WWC1: variants seen among roughly 807,000 people sequenced by gnomAD.
WWC1 encodes WW and C2 domain containing 1.
WWC1 carries 55 observed loss-of-function variants against 138.4 expected under a neutral mutation model. The observed-to-expected ratio is 0.40, with a 90% CI of 0.32 to 0.50. The LOEUF (loss-of-function observed/expected upper bound fraction) is 0.50. WWC1 is among the 20% of genes least tolerant of loss of function. The pLI, the probability that WWC1 is intolerant of heterozygous loss-of-function variation, is 0.72. For synonymous variants in WWC1, 524 were observed against 564.9 expected, an observed-to-expected ratio of 0.93 and a Z score of 1.03; for missense variants, 1,226 against 1,420.4, an observed-to-expected ratio of 0.86 and a Z score of 2.20.
chr5:168,401,625 G>A (rs1258497753), intron 5 of WWC1, among the ~76,000 whole-genome samples: 3 of 152,188 alleles, frequency 2.0e-5, no homozygotes, highest in African/African-American at 7.2e-5. Flanking sequence ...CTGTAAGAAA[G>A]TATGGCTTTG....
intron 1 of WWC1, among the ~76,000 whole-genome samples, chr5:168,363,059 A>T (rs1015315886): frequency 2.0e-5 from 3 of 152,218 alleles, no homozygotes; most frequent in Non-Finnish European, 2.9e-5. Flanking sequence ...TGGAAAAGCC[A>T]GAATTTTGAG....
At chr5:168,347,035 G>A (rs1774535944) in intron 1 of WWC1, among the ~76,000 whole-genome samples, 2 of 152,270 alleles carry the variant, frequency 1.3e-5, no homozygotes, top group Admixed American at 1.3e-4. Flanking sequence ...TTCCCTGGAT[G>A]GTTCCTGGAT....
At chr5:168,346,080 G>A (rs1204701360) in intron 1 of WWC1, among the ~76,000 whole-genome samples, 1 of 151,998 alleles carries the variant, frequency 6.6e-6, no homozygotes. Context: ...TGGCCCAGGA[G>A]GGACCCCCAA....
chr5:168,304,226 G>A (rs1180429994), intron 1 of WWC1, among the ~76,000 whole-genome samples: 2 of 152,062 alleles, frequency 1.3e-5, no homozygotes, highest in Non-Finnish European at 2.9e-5. Flanking sequence ...TTATTTTGAG[G>A]ACCAGATTTT....
intron 3 of WWC1, among the ~76,000 whole-genome samples, chr5:168,393,262 A>G (rs1327004406): frequency 1.3e-5 from 2 of 152,210 alleles, no homozygotes; most frequent in Non-Finnish European, 2.9e-5. Context: ...TTAGACTGAA[A>G]GGGTTCACTG....
intron 1 of WWC1, among the ~76,000 whole-genome samples, chr5:168,338,425 G>GT (rs1157411101): frequency 7.1e-6 from 1 of 140,662 alleles, no homozygotes; most frequent in South Asian, 2.1e-4. Flanking sequence ...TTTTTTTTTG[G>GT]GGGGGGATTG....
intron 1 of WWC1, among the ~76,000 whole-genome samples, chr5:168,295,304 G>A (rs986405673): frequency 2.6e-5 from 4 of 151,856 alleles, no homozygotes; most frequent in African/African-American, 9.7e-5. Flanking sequence ...TCCATGAGAG[G>A]AGAAGGGGGA....
chr5:168,403,008 TTCTTTC>T (rs1779435692), intron 5 of WWC1, among the ~76,000 whole-genome samples: 1 of 38,128 alleles, frequency 2.6e-5, no homozygotes, highest in Non-Finnish European at 5.9e-5. Flanking sequence ...TTGTTTCTTT[TTCTTTC>T]TTTCTTTCTT....
At position 168,292,105 on chromosome 5, in the gene WWC1, C is replaced by G; in HGVS notation, c.-48C>G. The G allele has an allele frequency of 1.3e-6, 2 of 1,486,538 alleles. No homozygotes were observed. The highest frequency in any genetic ancestry group is 2.6e-5 in the South Asian group (2 of 75,978). The allele number at this position is 1,486,538 out of a possible 1,614,324, so 92.1% of individuals were successfully genotyped here. A position where few individuals can be genotyped will look rare whatever the true frequency, so the allele number is the denominator to read the frequency against. On this transcript the variant is annotated 5_prime_UTR_variant, in exon 1 of 23. Coordinates refer to ENST00000265293, the MANE Select transcript of WWC1 (RefSeq NM_015238.3). This position sits in a 1 kb window ranked among gnomAD's most constrained non-coding sequence, Gnocchi z 4.4. ...CGGCCGGCTGGAGCCGCTGAGCCCC[C>G]GCTGCGGCCGGGAGCTGCATGGGGG...
chr5:168,388,596 G>A (rs11750037), intron 3 of WWC1, among the ~76,000 whole-genome samples: 4 of 152,154 alleles, frequency 2.6e-5, no homozygotes, highest in Non-Finnish European at 4.4e-5. Context: ...TTGGGAGGCC[G>A]AGGTAGGTGG....
chr5:168,434,698 C>T (rs1782221997), intron 15 of WWC1, among the ~76,000 whole-genome samples: 2 of 152,304 alleles, frequency 1.3e-5, no homozygotes, highest in Middle Eastern at 3.4e-3. Flanking sequence ...TCTCATGTCC[C>T]CAGACCCAGA....
At chr5:168,411,881 C>G (rs1212466722) in intron 8 of WWC1, 1 of 709,764 alleles carries the variant, frequency 1.4e-6, no homozygotes, top group Non-Finnish European at 1.7e-6. Context: ...GTATGGGAAC[C>G]AGGTGACTTG....
intron 3 of WWC1, among the ~76,000 whole-genome samples, chr5:168,394,429 A>G (rs1291268704): frequency 1.3e-5 from 2 of 152,258 alleles, no homozygotes; most frequent in African/African-American, 4.8e-5. Flanking sequence ...TGTTGGATAT[A>G]AAGTTCTTGT....
At chr5:168,450,974 TACAAC>T (rs1314149785) in intron 17 of WWC1, among the ~76,000 whole-genome samples, 1 of 152,188 alleles carries the variant, frequency 6.6e-6, no homozygotes, top group Non-Finnish European at 1.5e-5. Context: ...TAAGATTTCT[TACAAC>T]TCAATAATAA....
At chr5:168,392,964 AT>A (rs1238168428) in intron 3 of WWC1, among the ~76,000 whole-genome samples, 1 of 152,168 alleles carries the variant, frequency 6.6e-6, no homozygotes, top group African/African-American at 2.4e-5. Context: ...ACGGTACTAC[AT>A]TGTTTAAAAA....
chr5:168,331,610 A>G (rs566617252), intron 1 of WWC1, among the ~76,000 whole-genome samples: 1 of 152,322 alleles, frequency 6.6e-6, no homozygotes, highest in South Asian at 2.1e-4. Context: ...ACTCTTATCA[A>G]TGCTGTTGGC....
chr5:168,413,037 G>A (rs1032546224), intron 8 of WWC1, among the ~76,000 whole-genome samples: 3 of 152,164 alleles, frequency 2.0e-5, no homozygotes, highest in African/African-American at 7.2e-5. Context: ...AATTTTTGCT[G>A]CACATCATGG....
intron 15 of WWC1, among the ~76,000 whole-genome samples, chr5:168,433,418 CCTT>C (rs1782102500): frequency 6.6e-6 from 1 of 152,192 alleles, no homozygotes; most frequent in Non-Finnish European, 1.5e-5. Flanking sequence ...TCCCATCTCT[CCTT>C]CTTAGCTGGG....
At chr5:168,444,136 A>G (rs942822227) in intron 16 of WWC1, among the ~76,000 whole-genome samples, 2 of 152,088 alleles carry the variant, frequency 1.3e-5, no homozygotes, top group Non-Finnish European at 1.5e-5. Flanking sequence ...CTTCTATGTC[A>G]TATCCTTACT....
Sources: allele counts gnomAD v4.1 joint callset (sites outside exome capture counted in the v4.1 genomes callset), GRCh38; gene constraint gnomAD v4.1.1; non-coding constraint Gnocchi (gnomAD v3.1); transcripts MANE v1.5; gene names NCBI Gene and HGNC (gene_info 2026-07-23, HGNC 2026-07-21).